Variants in PHF3 observed in about 807,000 individuals in gnomAD.
The protein encoded by PHF3 is PHD finger protein 3.
A neutral mutation model predicts 178.4 loss-of-function variants in PHF3; 41 were observed. The ratio of observed to expected loss-of-function variants is 0.23; its 90% CI spans 0.18 to 0.30. PHF3 has a LOEUF of 0.30. Ranked by LOEUF, PHF3 falls within the 10% of genes least tolerant of loss-of-function variation. The probability of loss-of-function intolerance (pLI) is 1.00; values close to 1 mark genes in which losing one functional copy is unlikely to be tolerated. For missense variants in PHF3, 2,346 were observed against 2,398.1 expected, an observed-to-expected ratio of 0.98 and a Z score of 0.45; for synonymous variants, 842 against 800.5, an observed-to-expected ratio of 1.05 and a Z score of -0.88.
In PHF3 at chr6:63,718,389, A is replaced by G. The variant is rs1768253413; in HGVS notation, c.*4681A>G. ...TGAGAATGTCAAAGCTTTTGTTTAT[A>G]TGGCTTATATCATTATTTAGCATAC... On this transcript the variant is annotated 3_prime_UTR_variant, in exon 16 of 16. Transcript: ENST00000262043. Among the ~76,000 whole-genome samples the G allele has an allele frequency of 6.6e-6, 1 of 152,048 alleles. No individual in the cohort carries two copies. Among genetic ancestry groups the G allele is most frequent in the African/African-American group, 2.4e-5 (1 of 41,434 alleles).
rs945434378 is a variant in PHF3 at position 63,709,370 on chromosome 6, T to C, written c.3801+130T>C. On this transcript the variant is annotated intron_variant, in intron 14 of 15. Coordinates refer to ENST00000262043, the MANE Select transcript of PHF3 (RefSeq NM_001370348.2). ...ATACACATTTTAAGTCTATGTAATA[T>C]ACCTCACAAAACTGAACAAAAGCCA... is the stretch of plus-strand genomic sequence containing the variant. 10 of 669,960 alleles carry C rather than the reference T, an allele frequency of 1.5e-5. No homozygotes were observed. The African/African-American group carries it at 1.7e-4, about 11-fold the overall frequency. The allele number at this position is 669,960 out of a possible 1,614,324, so 41.5% of individuals were successfully genotyped here.
chr6:63,638,268 G>T lies in PHF3; in HGVS notation c.-26+2118G>T, dbSNP rs1339794745. Among the ~76,000 whole-genome samples, 3 of 152,236 alleles carry T rather than the reference G, an allele frequency of 2.0e-5. No homozygotes were observed. The East Asian group carries it at 5.8e-4, about 29-fold the overall frequency. On this transcript the variant is annotated intron_variant, in intron 1 of 15. Coordinates refer to ENST00000262043, the MANE Select transcript of PHF3 (RefSeq NM_001370348.2). ...ACTTATAAAAGTTGGGAGGCAGCAA[G>T]TGGCAATTTGGAGTATTGCAAAATC...
chr6:63,638,083 T>C lies in PHF3; in HGVS notation c.-26+1933T>C, dbSNP rs377682627. 2.0e-5 allele frequency among the ~76,000 whole-genome samples: 3 copies of C among 152,130 alleles called. No homozygotes were observed. In the East Asian group the frequency reaches 5.8e-4, roughly 29 times the overall value. On this transcript the variant is annotated intron_variant, in intron 1 of 15. Transcript: ENST00000262043. ...ACCTCTGAGAAGTGGTCTATGTAAA[T>C]GTAGGTAAAAAATTGGTTTGGTCAG...
chr6:63,687,881 C>T (rs1280994243), intron 4 of PHF3, among the ~76,000 whole-genome samples: 1 of 152,090 alleles, frequency 6.6e-6, no homozygotes, highest in East Asian at 1.9e-4. Context: ...ATGTCAGGTG[C>T]ATAGAGATTT....
chr6:63,704,598 T>C (rs967460917), intron 11 of PHF3, among the ~76,000 whole-genome samples: 3 of 152,006 alleles, frequency 2.0e-5, no homozygotes, highest in Non-Finnish European at 4.4e-5. Context: ...CTTTGTAGCA[T>C]TGAATAATAT....
In PHF3 at chr6:63,714,559, A is replaced by C. The variant is rs1238080872; in HGVS notation, c.*851A>C. 6.6e-6 allele frequency: 1 copy of C among 152,528 alleles called. No homozygotes were observed. The highest frequency in any genetic ancestry group is 1.5e-5 in the Non-Finnish European group (1 of 67,990). The allele number at this position is 152,528 out of a possible 1,614,324, so 9.4% of individuals were successfully genotyped here. On this transcript the variant is annotated 3_prime_UTR_variant, in exon 16 of 16. Transcript: ENST00000262043. Reference sequence around the variant, plus strand: ...TGTTACTCAGCCAAGAACATATAGAAATAGCTATCTATGTCAGGCATTAGA... The same window carrying C: ...TGTTACTCAGCCAAGAACATATAGACATAGCTATCTATGTCAGGCATTAGA...
At position 63,685,493 on chromosome 6, in the gene PHF3, C is replaced by T; in HGVS notation, c.1771C>T (p.Pro591Ser). 1 of 1,614,010 alleles carries T rather than the reference C, an allele frequency of 6.2e-7. No homozygotes were observed. The highest frequency in any genetic ancestry group is 8.5e-7 in the Non-Finnish European group (1 of 1,180,004). ...TCAAACTTTAGTACAAATTTTCAAG[C>T]CCTTAACTCATTCTTTGAGTGATAA... Reference protein sequence around the residue: ...QDQTLVQIFKPLTHSLSDKSH... With the variant: ...QDQTLVQIFKSLTHSLSDKSH... Residue 591 changes from proline (P) to serine (S), a missense_variant, in exon 4 of 16, where the codon CCC becomes TCC. Physicochemically the swap from Pro to Ser is moderately conservative, Grantham distance 74. This residue lies in a region of PHF3 where 843 missense variants were observed against 795.2 expected (regional missense o/e 1.06). Coordinates refer to ENST00000262043, the MANE Select transcript of PHF3 (RefSeq NM_001370348.2).
intron 1 of PHF3, among the ~76,000 whole-genome samples, chr6:63,637,099 C>G (rs1001658556): frequency 1.3e-5 from 2 of 152,150 alleles, no homozygotes; most frequent in Non-Finnish European, 2.9e-5. Context: ...CTTTAATATT[C>G]TAGTCCTAAT....
At chr6:63,678,131 G>A (rs1766258887) in intron 2 of PHF3, among the ~76,000 whole-genome samples, 1 of 151,646 alleles carries the variant, frequency 6.6e-6, no homozygotes, top group Non-Finnish European at 1.5e-5. Context: ...GCTGAGGCAG[G>A]AGAATCACTT....
At chr6:63,660,851 G>A (rs889289714) in intron 2 of PHF3, among the ~76,000 whole-genome samples, 1 of 152,086 alleles carries the variant, frequency 6.6e-6, no homozygotes, top group Non-Finnish European at 1.5e-5. Flanking sequence ...ACTATAAAAG[G>A]CAATGCCTTT....
At position 63,703,241 on chromosome 6, in the gene PHF3, T is replaced by C. The variant is rs535874324; in HGVS notation, c.3232-295T>C. Among the ~76,000 whole-genome samples, 212 of 152,338 alleles carry C rather than the reference T, an allele frequency of 1.4e-3. 2 individuals are homozygous for C. The South Asian group carries it at 0.023, about 16-fold the overall frequency. ...AGTGTTTCTTAGGCAGAGTGTCATT[T>C]GATAGGTGGCATAGCTTTTCTTATT... On this transcript the variant is annotated intron_variant, in intron 10 of 15. Transcript: ENST00000262043.
chr6:63,705,817 C>T (rs1052225412), intron 11 of PHF3, among the ~76,000 whole-genome samples: 33 of 152,128 alleles, frequency 2.2e-4, no homozygotes, highest in African/African-American at 8.0e-4. Context: ...TAGAAGAGGG[C>T]TGGCAGTGGG....
At chr6:63,679,630 G>C (rs1766338939) in intron 2 of PHF3, 5 of 332,668 alleles carry the variant, frequency 1.5e-5, no homozygotes, top group South Asian at 1.3e-4. Flanking sequence ...GAATCTTTCA[G>C]GGTATGGAAC....
Position 63,720,711 on chromosome 6 carries a change from T to A in PHF3, c.*7003T>A. ...AACATCTTTAATTTTGCCAACAAAA[T>A]TGGTTTTAAAAATCTCTTGAGTAAC... On this transcript the variant is annotated 3_prime_UTR_variant, in exon 16 of 16. Coordinates refer to ENST00000262043, the MANE Select transcript of PHF3 (RefSeq NM_001370348.2). 6.5e-7 allele frequency: 1 copy of A among 1,548,858 alleles called. No individual in the cohort carries two copies. The highest frequency in any genetic ancestry group is 8.7e-7 in the Non-Finnish European group (1 of 1,145,876).
intron 13 of PHF3, among the ~76,000 whole-genome samples, chr6:63,707,153 T>C (rs1044060097): frequency 3.9e-5 from 6 of 152,230 alleles, no homozygotes; most frequent in African/African-American, 1.4e-4. Flanking sequence ...TCTACATGGA[T>C]ATCCAAGTTT....
In PHF3 at chr6:63,637,484, C is replaced by G. The variant is rs57544744; in HGVS notation, c.-26+1334C>G. Reference sequence around the variant, plus strand: ...CATACTTATGTTTTTGAATTTATAGCTCCCTTCCACAGCACAAAAAGGTGT... The same window carrying G: ...CATACTTATGTTTTTGAATTTATAGGTCCCTTCCACAGCACAAAAAGGTGT... On this transcript the variant is annotated intron_variant, in intron 1 of 15. Coordinates refer to ENST00000262043, the MANE Select transcript of PHF3 (RefSeq NM_001370348.2). 2.1e-3 allele frequency among the ~76,000 whole-genome samples: 313 copies of G among 152,278 alleles called. 1 individual carries two copies. Among genetic ancestry groups the G allele is most frequent in the African/African-American group, 7.3e-3 (304 of 41,542 alleles).
At chr6:63,667,906 C>T (rs990740298) in intron 2 of PHF3, among the ~76,000 whole-genome samples, 1 of 152,188 alleles carries the variant, frequency 6.6e-6, no homozygotes, top group African/African-American at 2.4e-5. Flanking sequence ...TGTTTATCAT[C>T]TGACTCTTGA....
At chr6:63,689,849 T>G (rs1766919549) in intron 4 of PHF3, among the ~76,000 whole-genome samples, 1 of 152,178 alleles carries the variant, frequency 6.6e-6, no homozygotes, top group Non-Finnish European at 1.5e-5. Context: ...GGTTTTTAAG[T>G]CATGTCTCAC....
rs11285703 is a variant in PHF3, at chr6:63,646,806, CTTTTTTTT to C, written c.244+26_244+33del. 18 of 1,013,484 alleles carry C rather than the reference CTTTTTTTT, an allele frequency of 1.8e-5. No homozygotes were observed. The highest frequency in any genetic ancestry group is 7.7e-5 in the East Asian group (2 of 25,960). 62.8% of individuals were successfully genotyped at this position (1,013,484 alleles called of 1,614,324 possible). On this transcript the variant is annotated intron_variant, in intron 2 of 15. Transcript: ENST00000262043. ...TGCCTTGTTCAACAGGTAATTCTTACTTTTTTTTTTTTTTTTTTTTTTAGTCTGCAATT... is the reference window on the plus strand; with the variant it reads ...TGCCTTGTTCAACAGGTAATTCTTACTTTTTTTTTTTTTTAGTCTGCAATT...
Sources: allele counts gnomAD v4.1 joint callset (sites outside exome capture counted in the v4.1 genomes callset), GRCh38; gene constraint gnomAD v4.1.1; regional missense constraint gnomAD v4.1.1; transcripts MANE v1.5; gene names NCBI Gene and HGNC (gene_info 2026-07-23, HGNC 2026-07-21).